PCDHGA4: variants seen among roughly 807,000 people sequenced by gnomAD.
PCDHGA4 encodes protocadherin gamma-A4.
In PCDHGA4, 38 loss-of-function variants were observed where a neutral mutation model predicts 54.6. The observed-to-expected ratio is 0.70, with a 90% CI of 0.54 to 0.91. PCDHGA4 has a LOEUF of 0.91. PCDHGA4 is among the 40% of genes least tolerant of loss of function. PCDHGA4 has a pLI of 0.00. For missense variants in PCDHGA4, 1,298 were observed against 1,220.9 expected, an observed-to-expected ratio of 1.06 and a Z score of -0.94; for synonymous variants, 511 against 512.9, an observed-to-expected ratio of 1.00 and a Z score of 0.05.
chr5:141,374,727 T>A (rs1169090117), intron 1 of PCDHGA4: 2 of 1,610,538 alleles, frequency 1.2e-6, no homozygotes, highest in Non-Finnish European at 1.7e-6. Flanking sequence ...CTTACTGCCA[T>A]GGATGGCGGC....
At chr5:141,504,352 G>A (rs2099837588) in intron 2 of PCDHGA4, among the ~76,000 whole-genome samples, 3 of 152,016 alleles carry the variant, frequency 2.0e-5, no homozygotes, top group Admixed American at 1.3e-4. Flanking sequence ...TTTGTGCTAG[G>A]TGCTTCAGTA....
At chr5:141,484,801 A>G (rs1285617622) in intron 1 of PCDHGA4, among the ~76,000 whole-genome samples, 3 of 152,024 alleles carry the variant, frequency 2.0e-5, no homozygotes, top group African/African-American at 7.2e-5. Flanking sequence ...CAACCCGTGG[A>G]AAAACATGCC....
At chr5:141,401,561 T>A (rs1436115390) in intron 1 of PCDHGA4, among the ~76,000 whole-genome samples, 1 of 152,230 alleles carries the variant, frequency 6.6e-6, no homozygotes, top group Non-Finnish European at 1.5e-5. Flanking sequence ...ATTGCCTGAA[T>A]TTCTCTTGCT....
intron 1 of PCDHGA4, chr5:141,382,845 C>T: frequency 6.8e-7 from 1 of 1,475,804 alleles, no homozygotes; most frequent in African/African-American, 1.4e-5. Context: ...CGGATACACC[C>T]GCATTCTGAA....
chr5:141,421,871 C>CT, intron 1 of PCDHGA4: 1 of 1,613,756 alleles, frequency 6.2e-7, no homozygotes, highest in East Asian at 2.2e-5. Flanking sequence ...CTCCTCACAG[C>CT]TTTAGATGGA....
At chr5:141,504,269 A>T (rs7715517) in intron 2 of PCDHGA4, among the ~76,000 whole-genome samples, 3,100 of 152,246 alleles carry the variant, frequency 0.02, 113 homozygotes, top group African/African-American at 0.07. Context: ...GTATTTTTTT[A>T]AATTATGAAT....
At chr5:141,366,096 C>T (rs763995838) in intron 1 of PCDHGA4, 4 of 1,614,226 alleles carry the variant, frequency 2.5e-6, no homozygotes, top group Non-Finnish European at 3.4e-6. Context: ...TACCTGGTGA[C>T]CAAGGTGGTA....
chr5:141,409,262 G>C (rs768196825), intron 1 of PCDHGA4: 1 of 1,613,952 alleles, frequency 6.2e-7, no homozygotes, highest in Admixed American at 1.7e-5. Flanking sequence ...TTCTCTCTCT[G>C]ATCAGATTTT....
chr5:141,441,103 A>C (rs2098225469), intron 1 of PCDHGA4: 1 of 152,198 alleles, frequency 6.6e-6, no homozygotes, highest in Non-Finnish European at 1.5e-5. Flanking sequence ...AGAGGGACTC[A>C]TTGTCCAGTG....
rs74964649 is a variant in PCDHGA4 at position 141,370,417 on chromosome 5, G to A, written c.2514+12796G>A. On this transcript the variant is annotated intron_variant, in intron 1 of 3. Transcript: ENST00000571252. Reference sequence around the variant, plus strand: ...GGGATGGGAAATAGCTCCGGATGGAGGGGCCCAGCAGGGCAGAGGCGAATG... The same window carrying A: ...GGGATGGGAAATAGCTCCGGATGGAAGGGCCCAGCAGGGCAGAGGCGAATG... 7.3e-4 allele frequency: 1,146 copies of A among 1,570,760 alleles called. 10 individuals are homozygous for A. In the African/African-American group the frequency reaches 0.014, roughly 19 times the overall value.
chr5:141,418,589 C>T (rs184213052), intron 1 of PCDHGA4: 13 of 1,613,896 alleles, frequency 8.1e-6, no homozygotes, highest in African/African-American at 6.7e-5. Flanking sequence ...AGTGTTCAGC[C>T]AGGACGTGTA....
At chr5:141,404,410 A>G (rs1343740045) in intron 1 of PCDHGA4, 2 of 1,613,728 alleles carry the variant, frequency 1.2e-6, no homozygotes, top group Non-Finnish European at 1.7e-6. Context: ...AGAATTCTAG[A>G]GTTATTTACT....
chr5:141,375,925 A>G (rs369035619), intron 1 of PCDHGA4: 178 of 1,613,590 alleles, frequency 1.1e-4, no homozygotes, highest in Admixed American at 2.2e-4. Context: ...CCAGCGAGCC[A>G]GGACTTTTCT....
At chr5:141,420,216 T>C in intron 1 of PCDHGA4, 1 of 1,609,316 alleles carries the variant, frequency 6.2e-7, no homozygotes, top group African/African-American at 1.3e-5. Context: ...AAAGATAGCA[T>C]GCTACTGGCT....
At chr5:141,365,274 A>G (rs199512708) in intron 1 of PCDHGA4, 679 of 1,613,988 alleles carry the variant, frequency 4.2e-4, no homozygotes, top group Non-Finnish European at 5.0e-4. Context: ...TCCAGATTCT[A>G]CCTCATGGAA....
intron 1 of PCDHGA4, chr5:141,403,495 C>A: frequency 6.2e-7 from 1 of 1,614,014 alleles, no homozygotes; most frequent in Non-Finnish European, 8.5e-7. Context: ...TCTCCCTGAA[C>A]GTGCAGACTG....
At chr5:141,375,993 C>G in intron 1 of PCDHGA4, 1 of 1,613,468 alleles carries the variant, frequency 6.2e-7, no homozygotes, top group Non-Finnish European at 8.5e-7. Flanking sequence ...GACAGAGACG[C>G]GCTCAAGCAG....
rs773340535 is a variant in PCDHGA4, at chr5:141,388,285, C to G, written c.2514+30664C>G. Reference sequence around the variant, plus strand: ...ATTAATGACCACACGCCAAAATTCACGCAAAATTCCTTTGAGCTGCAAATA... The same window carrying G: ...ATTAATGACCACACGCCAAAATTCAGGCAAAATTCCTTTGAGCTGCAAATA... On this transcript the variant is annotated intron_variant, in intron 1 of 3. Transcript: ENST00000571252. 3 of 1,613,318 alleles carry G rather than the reference C, an allele frequency of 1.9e-6. No homozygotes were observed. The Admixed American group carries it at 5.0e-5, about 27-fold the overall frequency.
chr5:141,499,122 A>G (rs971741957), intron 2 of PCDHGA4, among the ~76,000 whole-genome samples: 3 of 152,140 alleles, frequency 2.0e-5, no homozygotes, highest in African/African-American at 7.2e-5. Context: ...ATCCCTTCTC[A>G]GGTCATCCTT....
Sources: allele counts gnomAD v4.1 joint callset (sites outside exome capture counted in the v4.1 genomes callset), GRCh38; gene constraint gnomAD v4.1.1; transcripts MANE v1.5; gene names NCBI Gene and HGNC (gene_info 2026-07-23, HGNC 2026-07-21).